The following BORCS5 variants were observed in gnomAD, a reference collection of about 807,000 sequenced individuals.
BORCS5 encodes BLOC-1-related complex subunit 5.
BORCS5 carries 17 observed loss-of-function variants against 22.1 expected under a neutral mutation model. That is an observed-to-expected ratio of 0.77 (90% CI 0.53 to 1.15). BORCS5 has a LOEUF of 1.15. BORCS5 is among the 50% of genes most tolerant of loss of function. The probability of loss-of-function intolerance (pLI) is 0.00; values close to 1 mark genes in which losing one functional copy is unlikely to be tolerated. For missense variants in BORCS5, 247 were observed against 253.2 expected, an observed-to-expected ratio of 0.98 and a Z score of 0.17; for synonymous variants, 117 against 99.8, an observed-to-expected ratio of 1.17 and a Z score of -1.03.
At chr12:12,434,450 A>AGTTGG (rs1388427880) in intron 2 of BORCS5, among the ~76,000 whole-genome samples, 2 of 152,186 alleles carry the variant, frequency 1.3e-5, no homozygotes, top group Admixed American at 6.5e-5. Flanking sequence ...GGAATCTCTG[A>AGTTGG]GGTCAAAACT....
At chr12:12,430,089 A>G (rs1441709325) in intron 2 of BORCS5, among the ~76,000 whole-genome samples, 3 of 151,606 alleles carry the variant, frequency 2.0e-5, no homozygotes, top group Non-Finnish European at 4.4e-5. Flanking sequence ...GATAAGCAAA[A>G]CGTGGTCCCT....
chr12:12,375,153 A>T (rs1192598332), intron 2 of BORCS5, among the ~76,000 whole-genome samples: 1 of 152,068 alleles, frequency 6.6e-6, no homozygotes, highest in Non-Finnish European at 1.5e-5. Flanking sequence ...CTGATATTAC[A>T]GGTGCCTGCC....
At chr12:12,389,943 C>T (rs1232934804) in intron 2 of BORCS5, among the ~76,000 whole-genome samples, 2 of 152,106 alleles carry the variant, frequency 1.3e-5, no homozygotes, top group African/African-American at 2.4e-5. Flanking sequence ...TGCGCCTGGC[C>T]TCAAGCAGTC....
intron 2 of BORCS5, among the ~76,000 whole-genome samples, chr12:12,412,819 ATTTG>A (rs920676458): frequency 2.2e-4 from 27 of 123,528 alleles, no homozygotes; most frequent in African/African-American, 7.2e-4. Context: ...TGAGTGTTTT[ATTTG>A]TTTGTTTTTA....
intron 2 of BORCS5, among the ~76,000 whole-genome samples, chr12:12,379,568 A>T (rs1863732746): frequency 1.3e-5 from 2 of 151,672 alleles, no homozygotes; most frequent in African/African-American, 4.8e-5. Flanking sequence ...AAGAATTTAG[A>T]ATCTCCTACC....
At chr12:12,382,785 G>C (rs1037917534) in intron 2 of BORCS5, among the ~76,000 whole-genome samples, 3 of 151,052 alleles carry the variant, frequency 2.0e-5, no homozygotes, top group African/African-American at 7.3e-5. Context: ...CACCTGCCTC[G>C]GCCTCCCAGA....
chr12:12,374,091 C>T (rs889021188), intron 2 of BORCS5, among the ~76,000 whole-genome samples: 1 of 149,840 alleles, frequency 6.7e-6, no homozygotes, highest in African/African-American at 2.5e-5. Flanking sequence ...GGGTTCACGC[C>T]ATTCTCCTGC....
chr12:12,460,863 A>G (rs756790301), intron 3 of BORCS5, among the ~76,000 whole-genome samples: 6 of 152,012 alleles, frequency 3.9e-5, no homozygotes, highest in Non-Finnish European at 8.8e-5. Flanking sequence ...TCCTTTTTGT[A>G]TATTTCTGGA....
intron 2 of BORCS5, among the ~76,000 whole-genome samples, chr12:12,388,756 T>G (rs1210774555): frequency 2.6e-5 from 4 of 151,212 alleles, no homozygotes; most frequent in Non-Finnish European, 5.9e-5. Context: ...AGACTATCTT[T>G]CTGCTGTTCT....
At chr12:12,440,210 A>AGC (rs1942653271) in intron 3 of BORCS5, among the ~76,000 whole-genome samples, 1 of 152,196 alleles carries the variant, frequency 6.6e-6, no homozygotes, top group African/African-American at 2.4e-5. Flanking sequence ...CCTTATGTTA[A>AGC]ATTTGGATGA....
chr12:12,438,834 A>T (rs543104795), intron 3 of BORCS5, among the ~76,000 whole-genome samples: 1 of 152,356 alleles, frequency 6.6e-6, no homozygotes, highest in African/African-American at 2.4e-5. Flanking sequence ...TATCTTTAAA[A>T]GTGAAGGATT....
chr12:12,382,559 A>G (rs75313312), intron 2 of BORCS5, among the ~76,000 whole-genome samples: 6,014 of 147,074 alleles, frequency 0.041, 286 homozygotes, highest in Middle Eastern at 0.1. Flanking sequence ...TTTTGAGACA[A>G]AGTCTTGCTC....
At position 12,469,238 on chromosome 12, in the gene BORCS5, C is replaced by G. The variant is rs549448470; in HGVS notation, c.*3462C>G. The stretch of plus-strand genomic sequence containing the variant: ...GGGCATGGTGGCTGGTGCCTGTAAT[C>G]CCCGCTACTTGGGAGGCCAAGGTGG... On this transcript the variant is annotated 3_prime_UTR_variant, in exon 4 of 4. Coordinates refer to ENST00000314565, the MANE Select transcript of BORCS5 (RefSeq NM_058169.6). 1 of 152,222 alleles carries G rather than the reference C, an allele frequency of 6.6e-6. No homozygotes were observed. Among genetic ancestry groups the G allele is most frequent in the Non-Finnish European group, 1.5e-5 (1 of 68,092 alleles). The allele number at this position is 152,222 out of a possible 1,614,324, so 9.4% of individuals were successfully genotyped here.
chr12:12,383,658 T>C (rs1863820497), intron 2 of BORCS5, among the ~76,000 whole-genome samples: 1 of 151,168 alleles, frequency 6.6e-6, no homozygotes, highest in Non-Finnish European at 1.5e-5. Context: ...GTTGACAATT[T>C]TTTTCCCCCA....
chr12:12,365,380 A>G (rs1863384195), intron 2 of BORCS5, among the ~76,000 whole-genome samples: 1 of 149,506 alleles, frequency 6.7e-6, no homozygotes, highest in African/African-American at 2.5e-5. Context: ...GGGTTTCACT[A>G]TGTTGCCCAT....
At chr12:12,419,870 T>C (rs895273604) in intron 2 of BORCS5, among the ~76,000 whole-genome samples, 1 of 152,230 alleles carries the variant, frequency 6.6e-6, no homozygotes, top group Non-Finnish European at 1.5e-5. Context: ...TTCATATCTT[T>C]TGCCCACTTG....
intron 2 of BORCS5, among the ~76,000 whole-genome samples, chr12:12,379,795 C>G (rs547200520): frequency 1.3e-5 from 2 of 151,500 alleles, no homozygotes; most frequent in African/African-American, 4.8e-5. Context: ...TTTGTGTGTT[C>G]ACTGGAGTAG....
intron 2 of BORCS5, among the ~76,000 whole-genome samples, chr12:12,394,489 T>G (rs1407816949): frequency 1.3e-5 from 2 of 151,912 alleles, no homozygotes; most frequent in East Asian, 3.9e-4. Context: ...GGAGTTGGAA[T>G]TATTAAATAA....
chr12:12,463,284 C>T (rs533449084), intron 3 of BORCS5, among the ~76,000 whole-genome samples: 1 of 152,330 alleles, frequency 6.6e-6, no homozygotes, highest in South Asian at 2.1e-4. Flanking sequence ...TAGGCATCAA[C>T]AGTTTTACCA....
Sources: allele counts gnomAD v4.1 joint callset (sites outside exome capture counted in the v4.1 genomes callset), GRCh38; gene constraint gnomAD v4.1.1; transcripts MANE v1.5; gene names NCBI Gene and HGNC (gene_info 2026-07-23, HGNC 2026-07-21).